The following SHISA6 variants were observed in gnomAD, a reference collection of about 807,000 sequenced individuals.
SHISA6 encodes the protein shisa family member 6, also known as protein shisa-6.
A neutral mutation model predicts 47.9 loss-of-function variants in SHISA6; 22 were observed. That is an observed-to-expected ratio of 0.46 (90% CI 0.33 to 0.66). SHISA6 has a LOEUF of 0.66. Ranked by LOEUF, SHISA6 falls within the 30% of genes least tolerant of loss-of-function variation. The probability of loss-of-function intolerance (pLI) is 0.02; values close to 1 mark genes in which losing one functional copy is unlikely to be tolerated. For synonymous variants in SHISA6, 388 were observed against 337.8 expected (o/e 1.15, Z -1.63); for missense variants, 680 against 764.6 (o/e 0.89, Z 1.30).
chr17:11,453,075 G>A (rs1032823925), intron 3 of SHISA6, among the ~76,000 whole-genome samples: 1 of 152,002 alleles, frequency 6.6e-6, no homozygotes, highest in Admixed American at 6.6e-5. Context: ...GACAGGCATT[G>A]GCATTAATTT....
intron 3 of SHISA6, among the ~76,000 whole-genome samples, chr17:11,407,247 A>T (rs759319554): frequency 2.6e-5 from 4 of 151,990 alleles, no homozygotes; most frequent in Admixed American, 6.6e-5. Context: ...GAGGTTAGGT[A>T]ACCTGGCCAA....
intron 3 of SHISA6, among the ~76,000 whole-genome samples, chr17:11,497,839 C>G (rs1378971802): frequency 1.3e-5 from 2 of 152,186 alleles, no homozygotes; most frequent in Admixed American, 6.5e-5. Flanking sequence ...CCTCACCCCC[C>G]AGGCTTGCAG....
chr17:11,546,155 A>G (rs917558023), intron 3 of SHISA6, among the ~76,000 whole-genome samples: 7 of 152,226 alleles, frequency 4.6e-5, no homozygotes, highest in Non-Finnish European at 7.3e-5. Flanking sequence ...AACACACATG[A>G]CTGCCCATAG....
At chr17:11,511,578 C>A (rs567273262) in intron 3 of SHISA6, among the ~76,000 whole-genome samples, 3 of 151,182 alleles carry the variant, frequency 2.0e-5, no homozygotes, top group East Asian at 2.0e-4. Context: ...CCCCACCCCC[C>A]AAAAAAATGC....
intron 3 of SHISA6, among the ~76,000 whole-genome samples, chr17:11,498,018 G>GT (rs946630930): frequency 5.9e-5 from 9 of 152,160 alleles, no homozygotes. Context: ...TAAATACAGT[G>GT]TTTTTGGAAG....
intron 3 of SHISA6, among the ~76,000 whole-genome samples, chr17:11,523,688 A>G (rs560463528): frequency 2.0e-5 from 3 of 152,282 alleles, no homozygotes; most frequent in Admixed American, 1.3e-4. Context: ...ACTGGGGAGT[A>G]AAGAGCTATA....
chr17:11,354,150 G>A (rs73975306), intron 2 of SHISA6, among the ~76,000 whole-genome samples: 4,401 of 152,156 alleles, frequency 0.029, 196 homozygotes, highest in African/African-American at 0.09. Context: ...CCTCTGTTGG[G>A]GCAAAATCAC....
At chr17:11,339,179 A>G (rs1170261048) in intron 2 of SHISA6, among the ~76,000 whole-genome samples, 1 of 151,840 alleles carries the variant, frequency 6.6e-6, no homozygotes, top group Non-Finnish European at 1.5e-5. Context: ...AAAAAAAAAA[A>G]AGAAAACCAC....
At chr17:11,466,541 G>A (rs906889798) in intron 3 of SHISA6, among the ~76,000 whole-genome samples, 1 of 152,160 alleles carries the variant, frequency 6.6e-6, no homozygotes, top group Non-Finnish European at 1.5e-5. Flanking sequence ...CCTGCCACCA[G>A]TGGGTGTGCC....
chr17:11,289,322 A>C (rs941313051), intron 2 of SHISA6: 2 of 152,006 alleles, frequency 1.3e-5, no homozygotes, highest in Non-Finnish European at 2.9e-5. Context: ...TTTATTTTCT[A>C]GTATTTTATT....
intron 3 of SHISA6, among the ~76,000 whole-genome samples, chr17:11,502,017 C>T (rs2071457665): frequency 6.6e-6 from 1 of 152,262 alleles, no homozygotes; most frequent in Non-Finnish European, 1.5e-5. Context: ...GGTTCCTCTA[C>T]CTGGGCTTTA....
At chr17:11,267,155 A>C (rs917190160) in intron 2 of SHISA6, among the ~76,000 whole-genome samples, 3 of 152,180 alleles carry the variant, frequency 2.0e-5, no homozygotes, top group Admixed American at 6.5e-5. Context: ...CAGCTTTCCA[A>C]CTTTAAAGAT....
rs190208271 is a variant in SHISA6 at position 11,424,492 on chromosome 17, C to T, written c.895+44983C>T. 2.1e-4 allele frequency among the ~76,000 whole-genome samples: 32 copies of T among 151,882 alleles called. No individual in the cohort carries two copies. In the East Asian group the frequency reaches 5.8e-3, roughly 28 times the overall value. On this transcript the variant is annotated intron_variant, in intron 3 of 5. Coordinates refer to ENST00000441885, the MANE Select transcript of SHISA6 (RefSeq NM_207386.4). ...ATAAATAAATCTCAAAACGTAACAC[C>T]GAGAAAAGCAAGCTGCAACAGGATA...
intron 3 of SHISA6, among the ~76,000 whole-genome samples, chr17:11,461,222 G>A (rs1441270055): frequency 2.6e-5 from 4 of 151,988 alleles, no homozygotes; most frequent in South Asian, 2.1e-4. Flanking sequence ...ACAGTGAAAC[G>A]CTGTCTCTAC....
rs574247037 is a variant in SHISA6 at position 11,305,175 on chromosome 17, A to G, written c.799+41649A>G. On this transcript the variant is annotated intron_variant, in intron 2 of 5. Transcript: ENST00000441885. ...GCCTCCTTTTCCTCTTACAAAAAGCAGGGCTCCTAAGATCAACTCATTAGG... is the reference window on the plus strand; with the variant it reads ...GCCTCCTTTTCCTCTTACAAAAAGCGGGGCTCCTAAGATCAACTCATTAGG... Among the ~76,000 whole-genome samples, 15 of 152,314 alleles carry G rather than the reference A, an allele frequency of 9.8e-5. 1 individual carries two copies. The South Asian group carries it at 3.1e-3, about 32-fold the overall frequency.
At chr17:11,262,981 C>T (rs117240813) in intron 1 of SHISA6, among the ~76,000 whole-genome samples, 1 of 152,280 alleles carries the variant, frequency 6.6e-6, no homozygotes, top group East Asian at 1.9e-4. Context: ...ATATTAGTGA[C>T]CTGCTGCTGA....
chr17:11,252,406 G>A (rs989333625), intron 1 of SHISA6, among the ~76,000 whole-genome samples: 1 of 152,148 alleles, frequency 6.6e-6, no homozygotes, highest in Non-Finnish European at 1.5e-5. Flanking sequence ...TCTGGGAAGC[G>A]TGTTTTCCAC....
At chr17:11,243,878 C>T (rs940577908) in intron 1 of SHISA6, among the ~76,000 whole-genome samples, 2 of 152,182 alleles carry the variant, frequency 1.3e-5, no homozygotes, top group African/African-American at 4.8e-5. Context: ...AGCCATTGTT[C>T]TCTGTACTCA....
At chr17:11,346,056 T>C (rs1158642716) in intron 2 of SHISA6, among the ~76,000 whole-genome samples, 1 of 152,172 alleles carries the variant, frequency 6.6e-6, no homozygotes, top group Non-Finnish European at 1.5e-5. Flanking sequence ...ATTCAGTTTT[T>C]TACCATTAAA....
Sources: gnomAD v4.1 joint callset for allele counts (sites outside exome capture counted in the v4.1 genomes callset) on GRCh38, gnomAD v4.1.1 for gene constraint, MANE v1.5 for transcripts, NCBI Gene and HGNC (gene_info 2026-07-23, HGNC 2026-07-21) for gene names.